Variants in ZNF43 observed in about 807,000 individuals in gnomAD.
The protein encoded by ZNF43 is zinc finger protein 43.
ZNF43 carries 44 observed loss-of-function variants against 68.4 expected under a neutral mutation model. The ratio of observed to expected loss-of-function variants is 0.64; its 90% CI spans 0.51 to 0.83. The LOEUF (loss-of-function observed/expected upper bound fraction) is 0.83. ZNF43 is among the 40% of genes least tolerant of loss of function. ZNF43 has a pLI of 0.00. For missense variants in ZNF43, 896 were observed against 933.2 expected, an observed-to-expected ratio of 0.96 and a Z score of 0.52; for synonymous variants, 308 against 307.8, an observed-to-expected ratio of 1.00 and a Z score of -0.01.
In ZNF43 at chr19:21,836,130, G is replaced by C; in HGVS notation, c.-92C>G. 3 of 1,600,868 alleles carry C rather than the reference G, an allele frequency of 1.9e-6. No homozygotes were observed. Among genetic ancestry groups the C allele is most frequent in the Non-Finnish European group, 2.6e-6 (3 of 1,173,128 alleles). ...CACAGAGGCTGGACCTCTAGCAGCA[G>C]AGGACACAGAAGAACGAAGACGAGA... On this transcript the variant is annotated 5_prime_UTR_variant, in exon 1 of 4. Coordinates refer to ENST00000354959, the MANE Select transcript of ZNF43 (RefSeq NM_003423.4).
chr19:21,809,426 C>T lies in ZNF43; in HGVS notation c.611G>A (p.Cys204Tyr). The change falls in exon 4 of 4, where the codon TGT becomes TAT. Residue 204 changes from cysteine to tyrosine, a missense_variant. Physicochemically the swap from Cys to Tyr is radical, Grantham distance 194. Transcript: ENST00000354959. ...GTTAAAAGCTTTTCCACATTTTTCA[C>T]ATTTGCAGAAATTCACTCTGGTATG... The part of the protein sequence containing the change: ...IIHTRVNFCK[C>Y]EKCGKAFNCP... 1 of 1,613,524 alleles carries T rather than the reference C, an allele frequency of 6.2e-7. No individual in the cohort carries two copies. Among genetic ancestry groups the T allele is most frequent in the South Asian group, 1.1e-5 (1 of 91,020 alleles).
intron 1 of ZNF43, among the ~76,000 whole-genome samples, chr19:21,849,488 C>CAAAA (rs35354919): frequency 0.06 from 1,781 of 29,482 alleles, 175 homozygotes; most frequent in Non-Finnish European, 0.078. Flanking sequence ...AACCCTGCCT[C>CAAAA]AAAAAAAAAA....
intron 1 of ZNF43, among the ~76,000 whole-genome samples, chr19:21,822,265 C>A (rs1459736600): frequency 6.6e-6 from 1 of 152,264 alleles, no homozygotes; most frequent in Non-Finnish European, 1.5e-5. Context: ...CCAAACAGAA[C>A]AGGCCCTGTA....
chr19:21,851,813 A>G, intron 1 of ZNF43: 2 of 1,382,814 alleles, frequency 1.4e-6, no homozygotes, highest in Non-Finnish European at 1.9e-6. Context: ...TGCGCCAGCG[A>G]CCAGGACTCA....
chr19:21,845,828 G>A (rs1315934785), intron 1 of ZNF43, among the ~76,000 whole-genome samples: 1 of 151,618 alleles, frequency 6.6e-6, no homozygotes, highest in African/African-American at 2.4e-5. Flanking sequence ...AGGAGGCAGA[G>A]GTTGTCATGA....
upstream of ZNF43, among the ~76,000 whole-genome samples, chr19:21,839,120 A>AC (rs1967321570): frequency 6.6e-6 from 1 of 152,214 alleles, no homozygotes; most frequent in East Asian, 1.9e-4. Context: ...AAGGAGAGTC[A>AC]CATCACCTAG....
intron 1 of ZNF43, among the ~76,000 whole-genome samples, chr19:21,844,921 A>AATATATATATATATATATATATATAT (rs1181354510): frequency 3.8e-5 from 1 of 26,050 alleles, no homozygotes; most frequent in African/African-American, 2.2e-4. Flanking sequence ...AAAAAAAAAA[A>AATATATATATATATATATATATATAT]ATATATATAT....
rs201128390 is a variant in ZNF43, at chr19:21,807,010, TC to T, written c.*596del. The T allele has an allele frequency of 0.022, 3,404 of 152,314 alleles. 52 individuals carry two copies. Among genetic ancestry groups the T allele is most frequent in the Non-Finnish European group, 0.035 (2,407 of 68,024 alleles). The allele number at this position is 152,314 out of a possible 1,614,324, so 9.4% of individuals were successfully genotyped here. A position where few individuals can be genotyped will look rare whatever the true frequency, so the allele number is the denominator to read the frequency against. The stretch of plus-strand genomic sequence containing the variant: ...TGTAGGGTTTTTCTCCAATATAAAT[TC>T]CCTGATGTTGAATAAACTTTGTACT... On this transcript the variant is annotated 3_prime_UTR_variant, in exon 4 of 4. Transcript: ENST00000354959.
intron 1 of ZNF43, among the ~76,000 whole-genome samples, chr19:21,844,896 CAAAAAAAAA>C (rs869257892): frequency 1.1e-4 from 4 of 35,780 alleles, no homozygotes; most frequent in African/African-American, 6.5e-4. Context: ...GATTCCGTCT[CAAAAAAAAA>C]AAAAAAAAAA....
Position 21,841,899 on chromosome 19 carries a change from A to G in ZNF43, c.30+10006T>C, listed in dbSNP as rs140195176. 1.5e-3 allele frequency among the ~76,000 whole-genome samples: 236 copies of G among 152,344 alleles called. 2 individuals carry two copies. Among genetic ancestry groups the G allele is most frequent in the African/African-American group, 5.2e-3 (215 of 41,582 alleles). ...AGCCATATTTTAATATATACAATAC[A>G]CAATTCACCAATACCTAGGTGAAAC... On this transcript the variant is annotated intron_variant, in intron 1 of 3. Transcript: ENST00000357491.
At chr19:21,842,585 T>C (rs773143119) in intron 1 of ZNF43, among the ~76,000 whole-genome samples, 1 of 151,888 alleles carries the variant, frequency 6.6e-6, no homozygotes, top group Non-Finnish European at 1.5e-5. Flanking sequence ...TCCAGAGATA[T>C]GTCAAAATGC....
rs1599521602 is a variant in ZNF43 at position 21,834,228 on chromosome 19, C to T, written c.3+1808G>A. 2.0e-5 allele frequency among the ~76,000 whole-genome samples: 3 copies of T among 150,968 alleles called. No individual in the cohort carries two copies. In the South Asian group the frequency reaches 6.3e-4, roughly 32 times the overall value. On this transcript the variant is annotated intron_variant, in intron 1 of 3. Transcript: ENST00000354959. Reference sequence around the variant, plus strand: ...TGGTAGGTGCCGGTAGTTCCAGCTACTGGAGTGGCTGAAGCAAAAGAATCA... The same window carrying T: ...TGGTAGGTGCCGGTAGTTCCAGCTATTGGAGTGGCTGAAGCAAAAGAATCA...
In ZNF43 at chr19:21,806,267, T is replaced by A. The variant is rs2036937615; in HGVS notation, c.*1340A>T. The A allele has an allele frequency of 6.6e-6, 1 of 151,658 alleles. No homozygotes were observed. The highest frequency in any genetic ancestry group is 1.5e-5 in the Non-Finnish European group (1 of 67,970). 9.4% of individuals were successfully genotyped at this position (151,658 alleles called of 1,614,324 possible). On this transcript the variant is annotated 3_prime_UTR_variant, in exon 4 of 4. Coordinates refer to ENST00000354959, the MANE Select transcript of ZNF43 (RefSeq NM_003423.4). ...TTTCGGCTCACTGAGACCTCCACTTTCCAGGTTCAAGTGATTCTCCTGCTT... is the reference window on the plus strand; with the variant it reads ...TTTCGGCTCACTGAGACCTCCACTTACCAGGTTCAAGTGATTCTCCTGCTT...
upstream of ZNF43, among the ~76,000 whole-genome samples, chr19:21,838,493 G>A (rs1967275997): frequency 6.6e-6 from 1 of 151,204 alleles, no homozygotes; most frequent in Admixed American, 6.6e-5. Flanking sequence ...TCCGCCTCCT[G>A]GGTTCAAGCA....
intron 1 of ZNF43, among the ~76,000 whole-genome samples, chr19:21,848,648 G>A (rs1221252364): frequency 6.6e-6 from 1 of 152,078 alleles, no homozygotes; most frequent in Non-Finnish European, 1.5e-5. Context: ...CTTTGGGCTG[G>A]GACCAGACAG....
At chr19:21,817,189 C>T (rs908081434) in intron 3 of ZNF43, among the ~76,000 whole-genome samples, 1 of 151,144 alleles carries the variant, frequency 6.6e-6, no homozygotes, top group Non-Finnish European at 1.5e-5. Flanking sequence ...TGCCACTGTA[C>T]TCCAGCCTGG....
At chr19:21,810,964 G>A (rs2037245083) in intron 3 of ZNF43, among the ~76,000 whole-genome samples, 1 of 151,814 alleles carries the variant, frequency 6.6e-6, no homozygotes, top group African/African-American at 2.4e-5. Context: ...CAACGACGAC[G>A]ACAAATAAAT....
chr19:21,833,159 A>T (rs1029461377), intron 1 of ZNF43, among the ~76,000 whole-genome samples: 1 of 152,240 alleles, frequency 6.6e-6, no homozygotes, highest in Admixed American at 6.5e-5. Context: ...CTAAAAGCTA[A>T]GCCTTGGAAT....
intron 1 of ZNF43, among the ~76,000 whole-genome samples, chr19:21,830,532 G>C (rs1408810191): frequency 7.0e-6 from 1 of 142,236 alleles, no homozygotes; most frequent in East Asian, 2.0e-4. Flanking sequence ...TCAATTCCTA[G>C]ACACGTACAT....
Sources: allele counts gnomAD v4.1 joint callset (sites outside exome capture counted in the v4.1 genomes callset), GRCh38; gene constraint gnomAD v4.1.1; transcripts MANE v1.5; gene names NCBI Gene and HGNC (gene_info 2026-07-23, HGNC 2026-07-21).